The following TNKS variants were observed in gnomAD, a reference collection of about 807,000 sequenced individuals.
TNKS encodes tankyrase, also known as poly [ADP-ribose] polymerase tankyrase-1.
A neutral mutation model predicts 135.8 loss-of-function variants in TNKS; 72 were observed. The observed-to-expected ratio is 0.53, with a 90% CI of 0.44 to 0.64. The LOEUF (loss-of-function observed/expected upper bound fraction) is 0.64, where lower values mean the gene tolerates loss of function less well. Ranked by LOEUF, TNKS falls within the 30% of genes least tolerant of loss-of-function variation. The pLI is 0.00. For synonymous variants in TNKS, 849 were observed against 649.3 expected (o/e 1.31, Z -4.68); for missense variants, 1,769 against 1,674.0 (o/e 1.06, Z -0.99).
chr8:9,633,317 A>C (rs1800369440), intron 3 of TNKS, among the ~76,000 whole-genome samples: 1 of 152,202 alleles, frequency 6.6e-6, no homozygotes, highest in Non-Finnish European at 1.5e-5. Context: ...GAGCCTGCCT[A>C]AGTGCCCAAA....
At chr8:9,773,760 C>G (rs1490570804) in intron 26 of TNKS, among the ~76,000 whole-genome samples, 1 of 152,028 alleles carries the variant, frequency 6.6e-6, no homozygotes, top group Non-Finnish European at 1.5e-5. Context: ...ATGCACTCAG[C>G]ATTTATTTTA....
chr8:9,720,339 G>T lies in TNKS; in HGVS notation c.1750-35G>T, dbSNP rs577063672. ...GGTATAAAAGGAAACTAAACAAGAT[G>T]CTCAATTCCATGTGCCCACGCAATG... On this transcript the variant is annotated intron_variant, in intron 11 of 26. Coordinates refer to ENST00000310430, the MANE Select transcript of TNKS (RefSeq NM_003747.3). The T allele has an allele frequency of 3.3e-6, 5 of 1,530,066 alleles. No individual in the cohort carries two copies. In the South Asian group the frequency reaches 6.4e-5, roughly 19 times the overall value. 94.8% of individuals were successfully genotyped at this position (1,530,066 alleles called of 1,614,324 possible).
chr8:9,613,837 G>A (rs1338169345), intron 2 of TNKS, among the ~76,000 whole-genome samples: 2 of 152,200 alleles, frequency 1.3e-5, no homozygotes, highest in African/African-American at 2.4e-5. Flanking sequence ...TGGAGAAACA[G>A]TCAGACTTTC....
intron 5 of TNKS, among the ~76,000 whole-genome samples, chr8:9,681,950 C>T (rs1802800727): frequency 6.6e-6 from 1 of 152,058 alleles, no homozygotes; most frequent in Non-Finnish European, 1.5e-5. Flanking sequence ...TGGGGAGAGA[C>T]TTCTACTTTC....
At chr8:9,587,397 ATTT>A (rs71201955) in intron 2 of TNKS, among the ~76,000 whole-genome samples, 3 of 141,408 alleles carry the variant, frequency 2.1e-5, no homozygotes, top group Non-Finnish European at 4.6e-5. Context: ...CGACACCTTG[ATTT>A]TTTTTTTTTT....
chr8:9,649,091 T>C (rs992719995), intron 3 of TNKS, among the ~76,000 whole-genome samples: 1 of 152,216 alleles, frequency 6.6e-6, no homozygotes, highest in African/African-American at 2.4e-5. Context: ...GAAGAAATTA[T>C]TATAATCATA....
intron 3 of TNKS, among the ~76,000 whole-genome samples, chr8:9,648,748 C>T (rs1420873921): frequency 6.6e-6 from 1 of 152,110 alleles, no homozygotes; most frequent in Admixed American, 6.5e-5. Context: ...TATGTGGTCT[C>T]TTATTGACCA....
At chr8:9,715,373 A>G (rs1376572770) in intron 11 of TNKS, among the ~76,000 whole-genome samples, 4 of 150,124 alleles carry the variant, frequency 2.7e-5, no homozygotes, top group African/African-American at 4.9e-5. Flanking sequence ...GGGGGCGGGT[A>G]TGATCATCTC....
chr8:9,652,708 A>G (rs1167240981), intron 3 of TNKS, among the ~76,000 whole-genome samples: 1 of 152,206 alleles, frequency 6.6e-6, no homozygotes, highest in Non-Finnish European at 1.5e-5. Context: ...TTAGTAAATC[A>G]AATACTTTAA....
intron 13 of TNKS, among the ~76,000 whole-genome samples, chr8:9,728,210 A>T (rs1006446606): frequency 6.6e-6 from 1 of 152,216 alleles, no homozygotes; most frequent in Admixed American, 6.5e-5. Flanking sequence ...TAGCAAAAGA[A>T]AACAAAGCAG....
chr8:9,605,611 A>T (rs1233761881), intron 2 of TNKS, among the ~76,000 whole-genome samples: 1 of 152,120 alleles, frequency 6.6e-6, no homozygotes, highest in African/African-American at 2.4e-5. Context: ...AATGCCCACA[A>T]GTAATGTGTT....
chr8:9,627,296 A>G (rs778476375), intron 3 of TNKS, among the ~76,000 whole-genome samples: 2 of 152,172 alleles, frequency 1.3e-5, no homozygotes, highest in African/African-American at 2.4e-5. Flanking sequence ...TAAGTAAGTA[A>G]GTGTTTTTCT....
intron 2 of TNKS, among the ~76,000 whole-genome samples, chr8:9,600,364 A>G (rs1798969212): frequency 6.6e-6 from 1 of 152,194 alleles, no homozygotes; most frequent in African/African-American, 2.4e-5. Context: ...GTCAGGATAG[A>G]GTCCAGTGGT....
At chr8:9,667,134 G>A (rs1016243223) in intron 3 of TNKS, among the ~76,000 whole-genome samples, 17 of 152,104 alleles carry the variant, frequency 1.1e-4, no homozygotes, top group Admixed American at 9.2e-4. Flanking sequence ...AAATAGAAAC[G>A]ACAGAATACT....
intron 2 of TNKS, among the ~76,000 whole-genome samples, chr8:9,582,790 C>G (rs1251605829): frequency 6.6e-6 from 1 of 152,136 alleles, no homozygotes; most frequent in Non-Finnish European, 1.5e-5. Flanking sequence ...ATTGTTGGTG[C>G]TAAAATCTCA....
At chr8:9,636,929 T>A (rs1322210829) in intron 3 of TNKS, among the ~76,000 whole-genome samples, 1 of 152,218 alleles carries the variant, frequency 6.6e-6, no homozygotes, top group Non-Finnish European at 1.5e-5. Flanking sequence ...ATGTCAGTAA[T>A]TTAGAGTACC....
intron 2 of TNKS, among the ~76,000 whole-genome samples, chr8:9,613,777 G>T (rs1318746680): frequency 6.6e-6 from 1 of 152,168 alleles, no homozygotes; most frequent in Admixed American, 6.5e-5. Flanking sequence ...GCAACATATA[G>T]TAGTTAAAAT....
intron 1 of TNKS, among the ~76,000 whole-genome samples, chr8:9,579,409 C>G (rs1486200203): frequency 1.3e-5 from 2 of 152,180 alleles, no homozygotes; most frequent in Non-Finnish European, 2.9e-5. Context: ...TTCCCTAATA[C>G]AATGCTGTGT....
At chr8:9,575,373 G>A (rs1221422348) in intron 1 of TNKS, 6 of 985,180 alleles carry the variant, frequency 6.1e-6, no homozygotes, top group Non-Finnish European at 6.0e-6. Flanking sequence ...CACCGCGCCC[G>A]GCGGATAATT....
Sources: gnomAD v4.1 joint callset for allele counts (sites outside exome capture counted in the v4.1 genomes callset) on GRCh38, gnomAD v4.1.1 for gene constraint, MANE v1.5 for transcripts, NCBI Gene and HGNC (gene_info 2026-07-23, HGNC 2026-07-21) for gene names.